Variants in NPC1 observed in about 807,000 individuals in gnomAD.
NPC1 encodes the protein Niemann-Pick C1 protein.
A neutral mutation model predicts 140.4 loss-of-function variants in NPC1; 85 were observed. That is an observed-to-expected ratio of 0.61 (90% CI 0.51 to 0.72). NPC1 has a LOEUF of 0.72. Ranked by LOEUF, NPC1 falls within the 30% of genes least tolerant of loss-of-function variation. The pLI, the probability that NPC1 is intolerant of heterozygous loss-of-function variation, is 0.00. For synonymous variants in NPC1, 656 were observed against 624.8 expected, an observed-to-expected ratio of 1.05 and a Z score of -0.74; for missense variants, 1,504 against 1,623.8, an observed-to-expected ratio of 0.93 and a Z score of 1.27.
chr18:23,556,579 T>C lies in NPC1; in HGVS notation c.990A>G (p.Ala330=), dbSNP rs772406728. 1.9e-6 allele frequency: 3 copies of C among 1,613,990 alleles called. No individual in the cohort carries two copies. The South Asian group carries it at 3.3e-5, about 18-fold the overall frequency. Residue 330 remains alanine, a synonymous_variant, in exon 8 of 25, where the codon GCA becomes GCG. Coordinates refer to ENST00000269228, the MANE Select transcript of NPC1 (RefSeq NM_000271.5). ...ACAGCCGCCTCAAGCAGCCCTCAAA[T>C]GCTGCGCTGACAGGGTCACAGCAGG... ...EASCCDPVSA[A]FEGCLRRLFT... is the part of the protein sequence containing the mutation.
chr18:23,527,991 T>C (rs1421230931), downstream of NPC1: 4 of 1,083,908 alleles, frequency 3.7e-6, no homozygotes, highest in Non-Finnish European at 5.2e-6. Flanking sequence ...TTGTTTCCTA[T>C]ATATTAGAAT....
At chr18:23,532,695 C>CTTTTTTTTTTTTTTTTTTTTTT (rs61493442) in intron 24 of NPC1, among the ~76,000 whole-genome samples, 2 of 136,840 alleles carry the variant, frequency 1.5e-5, no homozygotes, top group Non-Finnish European at 1.5e-5. Flanking sequence ...GTGCTCATCT[C>CTTTTTTTTTTTTTTTTTTTTTT]TTTTTTTTTT....
At chr18:23,526,158 A>G (rs1022598615), downstream of NPC1, among the ~76,000 whole-genome samples, 1 of 152,182 alleles carries the variant, frequency 6.6e-6, no homozygotes, top group African/African-American at 2.4e-5. Context: ...TGATCAGTAC[A>G]TTTATGGGTC....
downstream of NPC1, chr18:23,530,573 C>T (rs1354688245): frequency 1.2e-6 from 2 of 1,614,000 alleles, no homozygotes; most frequent in Non-Finnish European, 1.7e-6. Flanking sequence ...TTTTGAACAG[C>T]GAAACCAGCG....
At chr18:23,509,855 G>A (rs901145505) in intron 3 of NPC1, among the ~76,000 whole-genome samples, 5 of 150,858 alleles carry the variant, frequency 3.3e-5, no homozygotes, top group African/African-American at 9.7e-5. Flanking sequence ...CACTGCGCCC[G>A]GCCCTGGCTA....
downstream of NPC1, chr18:23,530,011 TTTAC>T: frequency 1.9e-6 from 3 of 1,600,364 alleles, no homozygotes; most frequent in Non-Finnish European, 1.7e-6. Context: ...TCTTTCACTT[TTTAC>T]TTTTGTCCTC....
In NPC1 at chr18:23,534,023, C is replaced by T. The variant is rs910876378; in HGVS notation, c.3591+423G>A. ...AAAACTTAAATATTTAAAAGTGTTA[C>T]GAAACAAAGTTTTAGTTTTTACTCT... On this transcript the variant is annotated intron_variant, in intron 23 of 24. Coordinates refer to ENST00000269228, the MANE Select transcript of NPC1 (RefSeq NM_000271.5). 10 of 322,490 alleles carry T rather than the reference C, an allele frequency of 3.1e-5. 1 individual carries two copies. The highest frequency in any genetic ancestry group is 9.2e-5 in the Admixed American group (2 of 21,684). 20.0% of individuals were successfully genotyped at this position (322,490 alleles called of 1,614,324 possible). A position where few individuals can be genotyped will look rare whatever the true frequency, so the allele number is the denominator to read the frequency against.
At chr18:23,523,370 C>T (rs1365270790) in intron 1 of NPC1, among the ~76,000 whole-genome samples, 1 of 151,984 alleles carries the variant, frequency 6.6e-6, no homozygotes, top group Non-Finnish European at 1.5e-5. Context: ...GACGAGCTCA[C>T]TGTGCTTGGA....
At position 23,551,617 on chromosome 18, in the gene NPC1, T is replaced by A; in HGVS notation, c.1654+10A>T. On this transcript the variant is annotated intron_variant, in intron 10 of 24. Transcript: ENST00000269228. ...ATCTAAAAGGAAAAGTCAAAGCTTC[T>A]CTTACTTACCATCATAGCCTCCCAA... 6.3e-7 allele frequency: 1 copy of A among 1,594,042 alleles called. No individual in the cohort carries two copies. Among genetic ancestry groups the A allele is most frequent in the Non-Finnish European group, 8.6e-7 (1 of 1,161,672 alleles).
At chr18:23,516,207 G>A in intron 3 of NPC1, 1 of 1,388,116 alleles carries the variant, frequency 7.2e-7, no homozygotes, top group South Asian at 1.2e-5. Flanking sequence ...GGGGGACGGT[G>A]GAAAGGATCC....
downstream of NPC1, among the ~76,000 whole-genome samples, chr18:23,526,361 C>T (rs2058297573): frequency 6.6e-6 from 1 of 152,208 alleles, no homozygotes; most frequent in Non-Finnish European, 1.5e-5. Context: ...CTAGGAGCTA[C>T]ACCTTTGATG....
downstream of NPC1, among the ~76,000 whole-genome samples, chr18:23,522,101 G>GACTTTC (rs1183683159): frequency 2.0e-5 from 3 of 152,248 alleles, no homozygotes; most frequent in Admixed American, 2.0e-4. Context: ...AGTTCAGCAA[G>GACTTTC]AGCACCATTG....
At chr18:23,533,760 C>T in intron 23 of NPC1, 1 of 500,472 alleles carries the variant, frequency 2.0e-6, no homozygotes, top group Non-Finnish European at 3.6e-6. Context: ...CCAGCCTTGG[C>T]CTCCCAAAGT....
chr18:23,562,826 A>C (rs73967119), intron 4 of NPC1, among the ~76,000 whole-genome samples: 3,056 of 152,172 alleles, frequency 0.02, 97 homozygotes, highest in African/African-American at 0.069. Flanking sequence ...GTCTCTACAA[A>C]AAATAAAAAA....
chr18:23,516,614 T>C (rs2058012573), intron 3 of NPC1, among the ~76,000 whole-genome samples: 1 of 152,262 alleles, frequency 6.6e-6, no homozygotes, highest in Non-Finnish European at 1.5e-5. Context: ...GCATTCCTTT[T>C]TGATTTTTAT....
At chr18:23,524,252 C>T (rs1323645691) in intron 1 of NPC1, 1 of 1,567,370 alleles carries the variant, frequency 6.4e-7, no homozygotes, top group African/African-American at 1.4e-5. Context: ...AAGTCCTCCT[C>T]CGGGCAGCTG....
chr18:23,557,614 G>A (rs1056741523), intron 6 of NPC1, among the ~76,000 whole-genome samples: 29 of 152,148 alleles, frequency 1.9e-4, no homozygotes, highest in Admixed American at 1.3e-3. Context: ...AAGGTTAGCT[G>A]GGTGTGGTGG....
chr18:23,520,412 A>G (rs2058112730), downstream of NPC1: 1 of 947,456 alleles, frequency 1.1e-6, no homozygotes, highest in Admixed American at 2.5e-5. Context: ...GGAGTGAGGA[A>G]TAAACAGAGA....
chr18:23,548,175 G>C, intron 10 of NPC1, 67 bp from the exon 11 acceptor site: 4 of 901,902 alleles, frequency 4.4e-6, no homozygotes, highest in South Asian at 2.6e-5. Context: ...CACATACCAG[G>C]GGAAAAATCA....
Sources: allele counts gnomAD v4.1 joint callset (sites outside exome capture counted in the v4.1 genomes callset), GRCh38; gene constraint gnomAD v4.1.1; transcripts MANE v1.5; gene names NCBI Gene and HGNC (gene_info 2026-07-23, HGNC 2026-07-21).